The following ROR1 variants were observed in gnomAD, a reference collection of about 807,000 sequenced individuals.
The protein encoded by ROR1 is inactive tyrosine-protein kinase transmembrane receptor ROR1.
ROR1 carries 19 observed loss-of-function variants against 78.8 expected under a neutral mutation model. That is an observed-to-expected ratio of 0.24 (90% confidence interval 0.17 to 0.35). The LOEUF (loss-of-function observed/expected upper bound fraction) is 0.35, where lower values mean the gene tolerates loss of function less well. Among genes scored for constraint, ROR1 ranks in the 10% least tolerant of loss-of-function variants. ROR1 has a pLI of 1.00. For missense variants in ROR1, 917 were observed against 1,177.8 expected, an observed-to-expected ratio of 0.78 and a Z score of 3.24; for synonymous variants, 386 against 433.6, an observed-to-expected ratio of 0.89 and a Z score of 1.36.
intron 1 of ROR1, among the ~76,000 whole-genome samples, chr1:63,857,858 C>T (rs1305116039): frequency 6.6e-6 from 1 of 152,210 alleles, no homozygotes; most frequent in Non-Finnish European, 1.5e-5. Flanking sequence ...AAGTCCCCAT[C>T]CTGCACAGTT....
intron 1 of ROR1, among the ~76,000 whole-genome samples, chr1:63,978,698 A>G (rs777764887): frequency 6.6e-6 from 1 of 152,224 alleles, no homozygotes; most frequent in Non-Finnish European, 1.5e-5. Context: ...GAGAACATGT[A>G]TAAGCATGTT....
chr1:63,860,537 G>A (rs978696944), intron 1 of ROR1, among the ~76,000 whole-genome samples: 43 of 140,560 alleles, frequency 3.1e-4, no homozygotes, highest in African/African-American at 9.5e-4. Flanking sequence ...TGGCCAACAC[G>A]GTAAAACCCC....
chr1:64,033,201 T>A (rs1030471918), intron 2 of ROR1, among the ~76,000 whole-genome samples: 11 of 152,350 alleles, frequency 7.2e-5, no homozygotes, highest in African/African-American at 2.2e-4. Flanking sequence ...CCTATGCACA[T>A]GCATCCCCAG....
At position 63,874,183 on chromosome 1, in the gene ROR1, G is replaced by A. The variant is rs186964361; in HGVS notation, c.91+99675G>A. Among the ~76,000 whole-genome samples, 499 of 152,246 alleles carry A rather than the reference G, an allele frequency of 3.3e-3. 1 individual carries two copies. Among genetic ancestry groups the A allele is most frequent in the African/African-American group, 0.011 (472 of 41,562 alleles). ...ATAAAGGAAATGGAGGAGAGAAATT[G>A]CATTTTTCCTGCATAATTACTCTCT... is the stretch of plus-strand genomic sequence containing the variant. On this transcript the variant is annotated intron_variant, in intron 1 of 8. Transcript: ENST00000371079.
intron 1 of ROR1, among the ~76,000 whole-genome samples, chr1:63,894,087 A>G (rs1645421179): frequency 6.6e-6 from 1 of 152,058 alleles, no homozygotes; most frequent in East Asian, 1.9e-4. Context: ...AGGTTACTTG[A>G]ACATAAGTGC....
intron 1 of ROR1, among the ~76,000 whole-genome samples, chr1:63,817,266 G>A (rs144223302): frequency 5.3e-5 from 8 of 152,112 alleles, no homozygotes; most frequent in Admixed American, 2.0e-4. Flanking sequence ...TGATGTCAAC[G>A]CCCCGTGGTC....
At chr1:64,042,696 G>C (rs1418223650) in intron 2 of ROR1, among the ~76,000 whole-genome samples, 3 of 152,160 alleles carry the variant, frequency 2.0e-5, no homozygotes, top group Non-Finnish European at 4.4e-5. Flanking sequence ...GCTATTTTCG[G>C]CTGATTTTAT....
intron 1 of ROR1, among the ~76,000 whole-genome samples, chr1:63,997,834 T>G (rs1399692219): frequency 1.4e-5 from 1 of 72,754 alleles, no homozygotes; most frequent in African/African-American, 3.2e-5. Flanking sequence ...GATTAGTGTT[T>G]TTTTTTTTTA....
chr1:63,889,523 G>A (rs990562627), intron 1 of ROR1, among the ~76,000 whole-genome samples: 6 of 152,148 alleles, frequency 3.9e-5, no homozygotes, highest in East Asian at 1.9e-4. Flanking sequence ...GAGAGTCCTG[G>A]AAGAACGAAG....
intron 4 of ROR1, among the ~76,000 whole-genome samples, chr1:64,080,102 T>A (rs969970014): frequency 6.6e-6 from 1 of 152,174 alleles, no homozygotes; most frequent in Non-Finnish European, 1.5e-5. Flanking sequence ...GAAAGATGTT[T>A]GCGCATCTTT....
intron 1 of ROR1, among the ~76,000 whole-genome samples, chr1:63,839,093 A>G (rs1159720644): frequency 6.6e-6 from 1 of 152,218 alleles, no homozygotes; most frequent in East Asian, 1.9e-4. Flanking sequence ...TTTTCTCAGA[A>G]CATATCTGTT....
intron 1 of ROR1, chr1:63,789,010 T>C: frequency 1.6e-6 from 1 of 635,984 alleles, no homozygotes; most frequent in East Asian, 3.6e-5. Flanking sequence ...AGAATCCTCA[T>C]TCTCCTCATC....
chr1:63,966,134 A>G (rs1291082190), intron 1 of ROR1, among the ~76,000 whole-genome samples: 1 of 152,178 alleles, frequency 6.6e-6, no homozygotes, highest in Non-Finnish European at 1.5e-5. Flanking sequence ...ATGTTCTATC[A>G]TGTAATTTCG....
At position 64,070,801 on chromosome 1, in the gene ROR1, A is replaced by G. The variant is rs571075909; in HGVS notation, c.482+20085A>G. ...CTTTGTGCTCATAGAACTTGGTTCT[A>G]TCAGGAGAAATGGACGATAAACATG... On this transcript the variant is annotated intron_variant, in intron 4 of 8. Coordinates refer to ENST00000371079, the MANE Select transcript of ROR1 (RefSeq NM_005012.4). 5.3e-5 allele frequency among the ~76,000 whole-genome samples: 8 copies of G among 152,332 alleles called. No individual in the cohort carries two copies. In the East Asian group the frequency reaches 1.5e-3, roughly 29 times the overall value.
At chr1:63,845,377 G>A (rs1022295295) in intron 1 of ROR1, among the ~76,000 whole-genome samples, 1 of 151,962 alleles carries the variant, frequency 6.6e-6, no homozygotes, top group African/African-American at 2.4e-5. Context: ...ACTGATAAAC[G>A]AACAAACAAA....
At chr1:64,115,315 A>C (rs1412685694) in intron 4 of ROR1, among the ~76,000 whole-genome samples, 3 of 152,102 alleles carry the variant, frequency 2.0e-5, no homozygotes, top group Non-Finnish European at 4.4e-5. Flanking sequence ...TCCTGAGCTC[A>C]AGGGATCCTC....
rs369353929 is a variant in ROR1 at position 63,908,007 on chromosome 1, CAAT to C, written c.92-101293_92-101291del. 1.8e-3 allele frequency among the ~76,000 whole-genome samples: 275 copies of C among 152,248 alleles called. 1 individual carries two copies. Among genetic ancestry groups the C allele is most frequent in the African/African-American group, 6.3e-3 (263 of 41,534 alleles). Reference sequence around the variant, plus strand: ...TTTTCTGATCTTCTTCACTCCTTTACAATAATATTATCTAATGCATAGATAATG... The same window carrying C: ...TTTTCTGATCTTCTTCACTCCTTTACAATATTATCTAATGCATAGATAATG... On this transcript the variant is annotated intron_variant, in intron 1 of 8. Transcript: ENST00000371079.
In ROR1 at chr1:64,031,813, C is replaced by T. The variant is rs369550431; in HGVS notation, c.164-17878C>T. 3.3e-5 allele frequency among the ~76,000 whole-genome samples: 5 copies of T among 152,234 alleles called. No individual in the cohort carries two copies. The East Asian group carries it at 5.8e-4, about 18-fold the overall frequency. ...CATTATTTCTTTTTTCTTGTGAAGG[C>T]ATAGCCTTGAATTTGAACACAGCTT... On this transcript the variant is annotated intron_variant, in intron 2 of 8. Coordinates refer to ENST00000371079, the MANE Select transcript of ROR1 (RefSeq NM_005012.4).
chr1:63,883,187 G>A (rs952711696), intron 1 of ROR1, among the ~76,000 whole-genome samples: 2 of 152,000 alleles, frequency 1.3e-5, no homozygotes, highest in African/African-American at 4.8e-5. Flanking sequence ...ATATTGTTTG[G>A]GCTCAAAGGT....
Sources: allele counts gnomAD v4.1 joint callset (sites outside exome capture counted in the v4.1 genomes callset), GRCh38; gene constraint gnomAD v4.1.1; transcripts MANE v1.5; gene names NCBI Gene and HGNC (gene_info 2026-07-23, HGNC 2026-07-21).